MAPK10: variants seen among roughly 807,000 people sequenced by gnomAD.
MAPK10 encodes the protein mitogen-activated protein kinase 10.
A neutral mutation model predicts 59.3 loss-of-function variants in MAPK10; 25 were observed. The observed-to-expected ratio is 0.42, with a 90% CI of 0.31 to 0.59. The LOEUF (loss-of-function observed/expected upper bound fraction) is 0.59. MAPK10 is among the 20% of genes least tolerant of loss of function. MAPK10 has a pLI of 0.15. For synonymous variants in MAPK10, 190 were observed against 200.5 expected, an observed-to-expected ratio of 0.95 and a Z score of 0.44; for missense variants, 351 against 568.9, an observed-to-expected ratio of 0.62 and a Z score of 3.90.
At chr4:86,133,153 T>C (rs1309289199) in intron 4 of MAPK10, among the ~76,000 whole-genome samples, 4 of 152,220 alleles carry the variant, frequency 2.6e-5, no homozygotes, top group African/African-American at 4.8e-5. Context: ...AAAAGATATG[T>C]TTAAACTGAT....
chr4:86,220,293 C>A (rs2089167347), intron 2 of MAPK10, among the ~76,000 whole-genome samples: 1 of 151,994 alleles, frequency 6.6e-6, no homozygotes, highest in Non-Finnish European at 1.5e-5. Flanking sequence ...CATCATTAAT[C>A]ACTTATGAGA....
intron 9 of MAPK10, among the ~76,000 whole-genome samples, chr4:86,094,055 G>C (rs1243988288): frequency 1.3e-5 from 2 of 151,788 alleles, no homozygotes. Flanking sequence ...GTTGTTAGTT[G>C]CAAAAGTTTA....
At chr4:86,139,179 C>T (rs1418045068) in intron 4 of MAPK10, among the ~76,000 whole-genome samples, 1 of 143,568 alleles carries the variant, frequency 7.0e-6, no homozygotes, top group Non-Finnish European at 1.5e-5. Flanking sequence ...TTGGAAAAAA[C>T]TACTTTAAAG....
intron 1 of MAPK10, among the ~76,000 whole-genome samples, chr4:86,446,795 CT>C (rs987348710): frequency 3.3e-5 from 5 of 152,238 alleles, no homozygotes; most frequent in African/African-American, 7.2e-5. Flanking sequence ...TTGCCTCCCC[CT>C]AATTACTAAT....
chr4:86,186,018 T>G (rs759111030), intron 3 of MAPK10, among the ~76,000 whole-genome samples: 6 of 152,098 alleles, frequency 3.9e-5, no homozygotes, highest in Non-Finnish European at 8.8e-5. Context: ...ATGATAATAT[T>G]TAAAGCACTG....
chr4:86,409,262 T>C (rs1236086403), intron 1 of MAPK10, among the ~76,000 whole-genome samples: 1 of 152,166 alleles, frequency 6.6e-6, no homozygotes, highest in Non-Finnish European at 1.5e-5. Context: ...AGTCTATATA[T>C]CTGTTTTGGT....
At chr4:86,385,019 T>C (rs1564776075) in intron 1 of MAPK10, among the ~76,000 whole-genome samples, 1 of 152,140 alleles carries the variant, frequency 6.6e-6, no homozygotes, top group African/African-American at 2.4e-5. Context: ...AATTGTTTTC[T>C]TATATATATA....
chr4:86,344,928 A>AAAGGAT lies in MAPK10; in HGVS notation c.-7+9596_-7+9601dup, dbSNP rs368917932. ...TTGTGCACACTAGTCTTTCAATAGC[A>AAAGGAT]AAGGATAATTTTGGGATAAAGAATG... On this transcript the variant is annotated intron_variant, in intron 2 of 13. Transcript: ENST00000641462. Among the ~76,000 whole-genome samples, 1,031 of 152,296 alleles carry AAAGGAT rather than the reference A, an allele frequency of 6.8e-3. 12 individuals are homozygous for AAAGGAT. The highest frequency in any genetic ancestry group is 0.024 in the African/African-American group (984 of 41,560).
chr4:86,461,740 A>C (rs951839428), intron 1 of MAPK10, among the ~76,000 whole-genome samples: 1 of 152,184 alleles, frequency 6.6e-6, no homozygotes, highest in African/African-American at 2.4e-5. Flanking sequence ...GCATCCCCTC[A>C]TTATTTTGAA....
intron 2 of MAPK10, among the ~76,000 whole-genome samples, chr4:86,265,905 GC>G (rs1255714532): frequency 2.6e-5 from 4 of 152,090 alleles, no homozygotes; most frequent in Non-Finnish European, 4.4e-5. Flanking sequence ...TGAATCCTAG[GC>G]CTGCTCTGAC....
In MAPK10 at chr4:86,015,583, T is replaced by A. The variant is rs1284796142; in HGVS notation, c.*1645A>T. Reference sequence around the variant, plus strand: ...GGTATTGCCTTGTACATAACCAAGATGTTTCACAGTGCCTCCTTAAGTGCT... The same window carrying A: ...GGTATTGCCTTGTACATAACCAAGAAGTTTCACAGTGCCTCCTTAAGTGCT... On this transcript the variant is annotated 3_prime_UTR_variant, in exon 14 of 14. Coordinates refer to ENST00000641462, the MANE Select transcript of MAPK10 (RefSeq NM_138982.4). 1 of 152,222 alleles carries A rather than the reference T, an allele frequency of 6.6e-6. No individual in the cohort carries two copies. Among genetic ancestry groups the A allele is most frequent in the Non-Finnish European group, 1.5e-5 (1 of 68,034 alleles). The allele number at this position is 152,222 out of a possible 1,614,324, so 9.4% of individuals were successfully genotyped here.
intron 1 of MAPK10, among the ~76,000 whole-genome samples, chr4:86,372,564 G>GAAAGAAAGAAAGAAAGAGAGAAAGAAAGA: frequency 1.3e-5 from 1 of 78,690 alleles, no homozygotes; most frequent in Admixed American, 1.4e-4. Context: ...AAGAAAGAAA[G>GAAAGAAAGAAAGAAAGAGAGAAAGAAAGA]AAAGAAAAGA....
intron 2 of MAPK10, among the ~76,000 whole-genome samples, chr4:86,256,814 C>G (rs1275877200): frequency 7.0e-6 from 1 of 143,240 alleles, no homozygotes; most frequent in East Asian, 2.1e-4. Flanking sequence ...GATCTCGGCT[C>G]ACTGCAAGCT....
At chr4:86,489,325 C>T (rs193270177) in intron 1 of MAPK10, among the ~76,000 whole-genome samples, 4 of 152,186 alleles carry the variant, frequency 2.6e-5, no homozygotes, top group African/African-American at 7.2e-5. Context: ...TCAAAGTAGG[C>T]GCTGCTCTCC....
rs554144045 is a variant in MAPK10, at chr4:86,286,959, C to T, written c.-7+67571G>A. On this transcript the variant is annotated intron_variant, in intron 2 of 13. Transcript: ENST00000641462. ...TTGAGCCTGTTTGGGAAAATGCTGGCACCGTTAACAGGAATTGAATATCAG... is the reference window on the plus strand; with the variant it reads ...TTGAGCCTGTTTGGGAAAATGCTGGTACCGTTAACAGGAATTGAATATCAG... Among the ~76,000 whole-genome samples the T allele has an allele frequency of 1.1e-4, 16 of 152,272 alleles. No individual in the cohort carries two copies. In the South Asian group the frequency reaches 3.3e-3, roughly 32 times the overall value.
intron 2 of MAPK10, among the ~76,000 whole-genome samples, chr4:86,301,116 T>C (rs2095465014): frequency 6.6e-6 from 1 of 152,036 alleles, no homozygotes; most frequent in South Asian, 2.1e-4. Context: ...CTCTACCCAC[T>C]AGAGGCTGGT....
chr4:86,128,595 T>C (rs2060471644), intron 4 of MAPK10, among the ~76,000 whole-genome samples: 1 of 152,176 alleles, frequency 6.6e-6, no homozygotes, highest in Non-Finnish European at 1.5e-5. Flanking sequence ...ATTAAATCTC[T>C]TTTCTTTATA....
intron 1 of MAPK10, among the ~76,000 whole-genome samples, chr4:86,467,912 A>G (rs1752347612): frequency 6.6e-6 from 1 of 152,200 alleles, no homozygotes; most frequent in East Asian, 1.9e-4. Context: ...AAATTAGAGA[A>G]GACTCATAGA....
Position 86,432,860 on chromosome 4 carries a change from C to T in MAPK10, c.-122+20170G>A, listed in dbSNP as rs752101386. On this transcript the variant is annotated intron_variant, in intron 1 of 13. Transcript: ENST00000361569. ...CACAGGGATCAATGGAGATGGCAAACAAAGCATAAAGTTCTTCTGGGAAAG... is the reference window on the plus strand; with the variant it reads ...CACAGGGATCAATGGAGATGGCAAATAAAGCATAAAGTTCTTCTGGGAAAG... Among the ~76,000 whole-genome samples, 34 of 152,202 alleles carry T rather than the reference C, an allele frequency of 2.2e-4. 1 individual carries two copies. Among genetic ancestry groups the T allele is most frequent in the Admixed American group, 6.5e-4 (10 of 15,294 alleles).
Sources: gnomAD v4.1 joint callset for allele counts (sites outside exome capture counted in the v4.1 genomes callset) on GRCh38, gnomAD v4.1.1 for gene constraint, MANE v1.5 for transcripts, NCBI Gene and HGNC (gene_info 2026-07-23, HGNC 2026-07-21) for gene names.